CDH10: variants seen among roughly 807,000 people sequenced by gnomAD.
CDH10 encodes cadherin-10.
A neutral mutation model predicts 73.1 loss-of-function variants in CDH10; 30 were observed. The ratio of observed to expected loss-of-function variants is 0.41; its 90% confidence interval spans 0.31 to 0.56. CDH10 has a LOEUF of 0.56. Among genes scored for constraint, CDH10 ranks in the 20% least tolerant of loss-of-function variants. The probability of loss-of-function intolerance (pLI) is 0.27; values close to 1 mark genes in which losing one functional copy is unlikely to be tolerated. For synonymous variants in CDH10, 345 were observed against 348.2 expected (o/e 0.99, Z 0.10); for missense variants, 815 against 973.7 (o/e 0.84, Z 2.17).
At chr5:24,495,555 A>T (rs1742241445) in intron 9 of CDH10, among the ~76,000 whole-genome samples, 1 of 152,046 alleles carries the variant, frequency 6.6e-6, no homozygotes, top group Non-Finnish European at 1.5e-5. Flanking sequence ...TGCTAGTAAA[A>T]TGCACCCTTT....
intron 2 of CDH10, among the ~76,000 whole-genome samples, chr5:24,586,693 C>T (rs1746013718): frequency 6.6e-6 from 1 of 151,626 alleles, no homozygotes; most frequent in South Asian, 2.1e-4. Flanking sequence ...GATCCACCCG[C>T]CTTGACCTCC....
chr5:24,571,676 T>C (rs574938359), intron 2 of CDH10, among the ~76,000 whole-genome samples: 1 of 151,722 alleles, frequency 6.6e-6, no homozygotes, highest in Non-Finnish European at 1.5e-5. Flanking sequence ...CATACATTAT[T>C]ACATTCAATT....
chr5:24,586,097 T>A (rs772911748), intron 2 of CDH10, among the ~76,000 whole-genome samples: 19 of 152,336 alleles, frequency 1.2e-4, no homozygotes, highest in Non-Finnish European at 2.2e-4. Flanking sequence ...TTTAAATTCC[T>A]TTAGAAAATT....
At chr5:24,628,591 T>C (rs1255254816) in intron 1 of CDH10, among the ~76,000 whole-genome samples, 2 of 152,130 alleles carry the variant, frequency 1.3e-5, no homozygotes, top group African/African-American at 4.8e-5. Flanking sequence ...CAGAGGTTGA[T>C]ACTTTTTTAC....
At chr5:24,505,560 C>G (rs1007429815) in intron 7 of CDH10, among the ~76,000 whole-genome samples, 19 of 152,166 alleles carry the variant, frequency 1.2e-4, no homozygotes, top group African/African-American at 4.3e-4. Context: ...TTACAGACAG[C>G]TATATTGCCA....
chr5:24,542,179 T>TA, intron 2 of CDH10, among the ~76,000 whole-genome samples: 1 of 151,986 alleles, frequency 6.6e-6, no homozygotes, highest in African/African-American at 2.4e-5. Flanking sequence ...AAGACCATTT[T>TA]AAAAAATTAT....
chr5:24,560,276 G>C (rs1422493190), intron 2 of CDH10, among the ~76,000 whole-genome samples: 2 of 150,818 alleles, frequency 1.3e-5, no homozygotes, highest in Non-Finnish European at 2.9e-5. Context: ...CATTTCCTCT[G>C]GCTTGCATGC....
At chr5:24,602,233 C>A (rs1180119729) in intron 1 of CDH10, among the ~76,000 whole-genome samples, 1 of 152,092 alleles carries the variant, frequency 6.6e-6, no homozygotes, top group African/African-American at 2.4e-5. Context: ...TACATTAGTC[C>A]TTGCACCAAT....
intron 1 of CDH10, among the ~76,000 whole-genome samples, chr5:24,629,660 A>G (rs562926067): frequency 6.6e-6 from 1 of 152,196 alleles, no homozygotes; most frequent in Admixed American, 6.5e-5. Flanking sequence ...ATGATAGTGC[A>G]TGAGTCTCAA....
intron 5 of CDH10, among the ~76,000 whole-genome samples, chr5:24,522,163 AAAC>A (rs1271937150): frequency 8.9e-6 from 1 of 112,816 alleles, no homozygotes; most frequent in Non-Finnish European, 2.0e-5. Context: ...CAAAACAAAC[AAAC>A]AAACAAAAAA....
intron 2 of CDH10, among the ~76,000 whole-genome samples, chr5:24,588,263 T>C (rs1001725951): frequency 4.6e-5 from 7 of 152,232 alleles, no homozygotes; most frequent in African/African-American, 1.7e-4. Context: ...TCATGTCCTA[T>C]TCATTATATG....
At chr5:24,582,945 C>T (rs1325791430) in intron 2 of CDH10, among the ~76,000 whole-genome samples, 2 of 152,118 alleles carry the variant, frequency 1.3e-5, no homozygotes, top group Non-Finnish European at 2.9e-5. Flanking sequence ...TATAAAATCC[C>T]TATCAAAGTT....
At chr5:24,634,072 T>C (rs1014831180) in intron 1 of CDH10, among the ~76,000 whole-genome samples, 1 of 151,816 alleles carries the variant, frequency 6.6e-6, no homozygotes, top group African/African-American at 2.4e-5. Context: ...GAAGCCTAAT[T>C]TATATTGTTT....
chr5:24,629,002 A>C (rs184773047), intron 1 of CDH10, among the ~76,000 whole-genome samples: 18 of 152,192 alleles, frequency 1.2e-4, no homozygotes, highest in South Asian at 4.1e-4. Context: ...ACTTCCATGC[A>C]TTATTTTATT....
At chr5:24,598,362 T>G (rs1746443326) in intron 1 of CDH10, among the ~76,000 whole-genome samples, 1 of 152,048 alleles carries the variant, frequency 6.6e-6, no homozygotes, top group African/African-American at 2.4e-5. Context: ...TTTTAAGTAT[T>G]CTGCATATGT....
intron 2 of CDH10, among the ~76,000 whole-genome samples, chr5:24,557,293 T>A (rs1267884146): frequency 6.6e-6 from 1 of 151,816 alleles, no homozygotes; most frequent in East Asian, 1.9e-4. Flanking sequence ...TTTGTAATAC[T>A]TGTATTTTAC....
At chr5:24,580,655 G>C (rs900054610) in intron 2 of CDH10, among the ~76,000 whole-genome samples, 7 of 152,226 alleles carry the variant, frequency 4.6e-5, no homozygotes, top group African/African-American at 1.7e-4. Flanking sequence ...ATTTATATAA[G>C]ACCCTACATA....
chr5:24,604,417 T>A (rs937320524), intron 1 of CDH10, among the ~76,000 whole-genome samples: 1 of 152,100 alleles, frequency 6.6e-6, no homozygotes, highest in Non-Finnish European at 1.5e-5. Context: ...ACAAAATATA[T>A]GCAAGATCAC....
rs1264621151 is a variant in CDH10 at position 24,586,459 on chromosome 5, G to C, written c.231+6801C>G. Among the ~76,000 whole-genome samples, 4 of 33,130 alleles carry C rather than the reference G, an allele frequency of 1.2e-4. No homozygotes were observed. In the East Asian group the frequency reaches 6.3e-3, roughly 52 times the overall value. 21.7% of individuals were successfully genotyped at this position (33,130 alleles called of 152,430 possible). ...CTTTTTTTTTTTTTTTTTTTTTTGA[G>C]ACGGAGTTTAGCTCTTTTTGCCGAG... On this transcript the variant is annotated intron_variant, in intron 2 of 11. Coordinates refer to ENST00000264463, the MANE Select transcript of CDH10 (RefSeq NM_006727.5).
Sources: allele counts gnomAD v4.1 joint callset (sites outside exome capture counted in the v4.1 genomes callset), GRCh38; gene constraint gnomAD v4.1.1; transcripts MANE v1.5; gene names NCBI Gene and HGNC (gene_info 2026-07-23, HGNC 2026-07-21).